The following KAZN variants were observed in gnomAD, a reference collection of about 807,000 sequenced individuals.
KAZN encodes kazrin.
KAZN carries 40 observed loss-of-function variants against 87.4 expected under a neutral mutation model. The ratio of observed to expected loss-of-function variants is 0.46; its 90% CI spans 0.36 to 0.60. The LOEUF (loss-of-function observed/expected upper bound fraction) is 0.60. Among genes scored for constraint, KAZN ranks in the 20% least tolerant of loss-of-function variants. The pLI, the probability that KAZN is intolerant of heterozygous loss-of-function variation, is 0.00. For missense variants in KAZN, 898 were observed against 1,073.9 expected (o/e 0.84, Z 2.29); for synonymous variants, 466 against 458.3 (o/e 1.02, Z -0.22).
At chr1:14,127,842 A>C (rs1482367537) in intron 1 of KAZN, among the ~76,000 whole-genome samples, 1 of 152,140 alleles carries the variant, frequency 6.6e-6, no homozygotes, top group Non-Finnish European at 1.5e-5. Flanking sequence ...AGACGTGGGC[A>C]CTTGGCTCGT....
chr1:14,151,807 C>T (rs56290598), intron 1 of KAZN, among the ~76,000 whole-genome samples: 20,637 of 152,164 alleles, frequency 0.14, 1,646 homozygotes, highest in African/African-American at 0.22. Flanking sequence ...ACACCAGCTG[C>T]CCCAGCAGAG....
chr1:13,923,299 G>C (rs1169155983), intron 1 of KAZN, among the ~76,000 whole-genome samples: 2 of 152,058 alleles, frequency 1.3e-5, no homozygotes, highest in Non-Finnish European at 2.9e-5. Flanking sequence ...CATGGCTGGG[G>C]GTGGTGGCTC....
At chr1:14,013,630 A>C (rs556290287) in intron 1 of KAZN, among the ~76,000 whole-genome samples, 21 of 152,212 alleles carry the variant, frequency 1.4e-4, no homozygotes, top group Non-Finnish European at 2.1e-4. Context: ...AAAATAACCT[A>C]GGAATATGGG....
intron 2 of KAZN, among the ~76,000 whole-genome samples, chr1:14,426,601 A>G (rs201501582): frequency 1.3e-5 from 2 of 152,154 alleles, no homozygotes; most frequent in South Asian, 2.1e-4. Flanking sequence ...CCCAAAAACC[A>G]TCTTGTGGCC....
chr1:14,070,249 G>A (rs1047701680), intron 1 of KAZN, among the ~76,000 whole-genome samples: 2 of 148,400 alleles, frequency 1.3e-5, no homozygotes, highest in African/African-American at 5.0e-5. Context: ...AAAGGGAGGT[G>A]AAGGGATTAA....
intron 1 of KAZN, among the ~76,000 whole-genome samples, chr1:14,763,467 C>T (rs1205212375): frequency 1.3e-5 from 2 of 152,188 alleles, no homozygotes; most frequent in African/African-American, 2.4e-5. Context: ...CATTTGTACC[C>T]AGCTACACCA....
intron 1 of KAZN, among the ~76,000 whole-genome samples, chr1:13,994,931 G>T (rs1310657265): frequency 6.6e-6 from 1 of 152,140 alleles, no homozygotes; most frequent in Non-Finnish European, 1.5e-5. Context: ...AGAGTAGAAA[G>T]CAAGGAGCAC....
At chr1:14,770,881 T>C (rs1222598378) in intron 1 of KAZN, among the ~76,000 whole-genome samples, 1 of 152,064 alleles carries the variant, frequency 6.6e-6, no homozygotes, top group Non-Finnish European at 1.5e-5. Flanking sequence ...AAGCAGGAAT[T>C]AACTTTGAGG....
chr1:14,741,676 C>G (rs979408494), intron 1 of KAZN, among the ~76,000 whole-genome samples: 3 of 152,182 alleles, frequency 2.0e-5, no homozygotes, highest in Non-Finnish European at 2.9e-5. Context: ...CACTTCCCCC[C>G]GGGGTTTCAA....
chr1:14,662,388 A>G (rs952620183), intron 1 of KAZN, among the ~76,000 whole-genome samples: 6 of 152,062 alleles, frequency 3.9e-5, no homozygotes, highest in African/African-American at 1.4e-4. Flanking sequence ...GAGACACCCC[A>G]TGAAGCTTCT....
intron 1 of KAZN, among the ~76,000 whole-genome samples, chr1:14,039,124 T>C (rs975138032): frequency 6.8e-6 from 1 of 146,864 alleles, no homozygotes; most frequent in African/African-American, 2.5e-5. Flanking sequence ...TGAGCCAAGA[T>C]CGTGCCACTG....
chr1:14,539,822 G>A (rs1022434050), intron 2 of KAZN, among the ~76,000 whole-genome samples: 1 of 151,956 alleles, frequency 6.6e-6, no homozygotes, highest in African/African-American at 2.4e-5. Context: ...TTTGTTAAAT[G>A]TAAGATAACA....
chr1:14,657,385 G>C (rs915198015), intron 1 of KAZN, among the ~76,000 whole-genome samples: 1 of 152,170 alleles, frequency 6.6e-6, no homozygotes, highest in Non-Finnish European at 1.5e-5. Flanking sequence ...GCCTGGCTGG[G>C]AGAGGCTTCT....
chr1:14,828,745 A>G (rs1472281444), intron 1 of KAZN, among the ~76,000 whole-genome samples: 1 of 152,192 alleles, frequency 6.6e-6, no homozygotes, highest in Non-Finnish European at 1.5e-5. Flanking sequence ...CTGGACGGGT[A>G]CAACAGTCCA....
chr1:14,677,552 G>A (rs1325919105), intron 1 of KAZN, among the ~76,000 whole-genome samples: 2 of 152,026 alleles, frequency 1.3e-5, no homozygotes, highest in Non-Finnish European at 2.9e-5. Flanking sequence ...ACACCCCAGG[G>A]GCCCATTTTC....
At chr1:14,566,840 C>T (rs1012542906) in intron 2 of KAZN, among the ~76,000 whole-genome samples, 12 of 152,184 alleles carry the variant, frequency 7.9e-5, no homozygotes, top group Admixed American at 3.9e-4. Flanking sequence ...ATTAAAAAGA[C>T]TCAGGGTCTT....
intron 2 of KAZN, among the ~76,000 whole-genome samples, chr1:14,238,797 C>G (rs1388514108): frequency 6.6e-6 from 1 of 152,246 alleles, no homozygotes; most frequent in Non-Finnish European, 1.5e-5. Context: ...GCATCACACA[C>G]AGCACTGACG....
chr1:14,076,322 CTG>C (rs1202231530), intron 1 of KAZN, among the ~76,000 whole-genome samples: 1 of 152,026 alleles, frequency 6.6e-6, no homozygotes, highest in East Asian at 1.9e-4. Flanking sequence ...GGTCAGCACA[CTG>C]TGAAGAGAGA....
intron 1 of KAZN, among the ~76,000 whole-genome samples, chr1:14,809,893 G>T (rs576048661): frequency 6.6e-6 from 1 of 152,208 alleles, no homozygotes; most frequent in East Asian, 1.9e-4. Flanking sequence ...CATCAACTCT[G>T]CCAAGGATCA....
Sources: allele counts gnomAD v4.1 joint callset (sites outside exome capture counted in the v4.1 genomes callset), GRCh38; gene constraint gnomAD v4.1.1; transcripts MANE v1.5; gene names NCBI Gene and HGNC (gene_info 2026-07-23, HGNC 2026-07-21).